The following CTIF variants were observed in gnomAD, a reference collection of about 807,000 sequenced individuals.
CTIF encodes the protein CBP80/20-dependent translation initiation factor.
Under a neutral mutation model 66.0 loss-of-function variants are expected in CTIF, and 21 were observed. The ratio of observed to expected loss-of-function variants is 0.32; its 90% CI spans 0.23 to 0.46. The LOEUF (loss-of-function observed/expected upper bound fraction) is 0.46. CTIF is among the 20% of genes least tolerant of loss of function. CTIF has a pLI of 1.00. For missense variants in CTIF, 739 were observed against 812.7 expected (o/e 0.91, Z 1.10); for synonymous variants, 345 against 326.4 (o/e 1.06, Z -0.62).
chr18:48,798,898 C>T (rs1215251406), intron 9 of CTIF, among the ~76,000 whole-genome samples: 3 of 152,172 alleles, frequency 2.0e-5, no homozygotes, highest in East Asian at 1.9e-4. Flanking sequence ...GCCTACGGTG[C>T]ACAGGACAGC....
chr18:48,858,896 A>T (rs965861079), intron 11 of CTIF, among the ~76,000 whole-genome samples: 2 of 152,184 alleles, frequency 1.3e-5, no homozygotes, highest in African/African-American at 4.8e-5. Flanking sequence ...GTTCCAATGG[A>T]CACATGTAAT....
chr18:48,648,161 T>TGGGCA (rs753743748), intron 3 of CTIF, among the ~76,000 whole-genome samples: 32 of 152,172 alleles, frequency 2.1e-4, no homozygotes, highest in Non-Finnish European at 3.7e-4. Context: ...TAGCTGAGAG[T>TGGGCA]GGGCAGAGGG....
intron 2 of CTIF, among the ~76,000 whole-genome samples, chr18:48,628,083 G>T (rs1270896205): frequency 6.6e-6 from 1 of 152,226 alleles, no homozygotes; most frequent in Non-Finnish European, 1.5e-5. Context: ...GGTATGCTTG[G>T]AAAGTGCTGA....
At chr18:48,826,572 C>CT (rs2068586550) in intron 10 of CTIF, 1 of 152,306 alleles carries the variant, frequency 6.6e-6, no homozygotes, top group South Asian at 2.1e-4. Flanking sequence ...CTGTCAACGT[C>CT]TGTCTCCAGA....
At chr18:48,691,160 G>A (rs1280157080) in intron 6 of CTIF, among the ~76,000 whole-genome samples, 6 of 152,284 alleles carry the variant, frequency 3.9e-5, no homozygotes, top group Admixed American at 1.3e-4. Context: ...CAATTGTAAC[G>A]TCCACTCTGC....
At chr18:48,663,909 G>A in intron 4 of CTIF, 84 bp downstream of exon 4, 1 of 1,232,470 alleles carries the variant, frequency 8.1e-7, no homozygotes, top group Non-Finnish European at 1.2e-6. Flanking sequence ...AACGCTGATG[G>A]TTCATGAGCA....
chr18:48,581,350 A>C (rs2089652713), intron 1 of CTIF, among the ~76,000 whole-genome samples: 1 of 152,030 alleles, frequency 6.6e-6, no homozygotes, highest in African/African-American at 2.4e-5. Context: ...ATAATTCTTG[A>C]CACCCTCTTA....
At chr18:48,727,506 C>A (rs1349307108) in intron 7 of CTIF, among the ~76,000 whole-genome samples, 2 of 152,172 alleles carry the variant, frequency 1.3e-5, no homozygotes, top group Non-Finnish European at 2.9e-5. Flanking sequence ...CTGTGTCTCT[C>A]CCTTCCAGTC....
chr18:48,710,849 A>G (rs888189386), intron 6 of CTIF, among the ~76,000 whole-genome samples: 1 of 152,182 alleles, frequency 6.6e-6, no homozygotes, highest in African/African-American at 2.4e-5. Context: ...ATGTGTGCCT[A>G]TGATACTGGC....
At chr18:48,576,859 T>C (rs944415595) in intron 1 of CTIF, among the ~76,000 whole-genome samples, 13 of 152,262 alleles carry the variant, frequency 8.5e-5, no homozygotes, top group Non-Finnish European at 1.6e-4. Context: ...TTTGGTTTTC[T>C]GGGCTTCGCC....
chr18:48,718,621 C>G (rs975704001), intron 7 of CTIF, among the ~76,000 whole-genome samples: 3 of 152,022 alleles, frequency 2.0e-5, no homozygotes, highest in Non-Finnish European at 4.4e-5. Flanking sequence ...CTGTTTGGGC[C>G]CTTGGCGGAT....
At chr18:48,836,490 C>T (rs2068813332) in intron 10 of CTIF, among the ~76,000 whole-genome samples, 2 of 152,198 alleles carry the variant, frequency 1.3e-5, no homozygotes, top group Admixed American at 6.5e-5. Flanking sequence ...GCTTCTCACA[C>T]CTCAACTCCA....
intron 1 of CTIF, among the ~76,000 whole-genome samples, chr18:48,560,822 C>T (rs2089141690): frequency 1.3e-5 from 2 of 152,210 alleles, no homozygotes; most frequent in South Asian, 4.1e-4. Context: ...ATCCTCCCAC[C>T]TTGGCCTCCC....
At chr18:48,809,577 G>C (rs1185222904) in intron 9 of CTIF, among the ~76,000 whole-genome samples, 1 of 152,056 alleles carries the variant, frequency 6.6e-6, no homozygotes, top group African/African-American at 2.4e-5. Flanking sequence ...GAACTGGTTG[G>C]AAAGCGTCTC....
At chr18:48,778,833 G>T (rs530682816) in intron 9 of CTIF, among the ~76,000 whole-genome samples, 1 of 152,326 alleles carries the variant, frequency 6.6e-6, no homozygotes, top group African/African-American at 2.4e-5. Context: ...CACTAGCACC[G>T]CATCGGGACA....
chr18:48,808,267 C>T (rs2068190809), intron 9 of CTIF, among the ~76,000 whole-genome samples: 1 of 152,178 alleles, frequency 6.6e-6, no homozygotes, highest in Admixed American at 6.5e-5. Context: ...TACATTTTGA[C>T]ACAGGATTTA....
intron 9 of CTIF, among the ~76,000 whole-genome samples, chr18:48,807,201 T>C (rs2146263594): frequency 6.6e-6 from 1 of 152,268 alleles, no homozygotes. Flanking sequence ...CACACCCCAG[T>C]TCCCCACCCT....
intron 6 of CTIF, among the ~76,000 whole-genome samples, chr18:48,705,519 C>T (rs1219787700): frequency 1.3e-5 from 2 of 152,236 alleles, no homozygotes; most frequent in Non-Finnish European, 2.9e-5. Context: ...CACAGGTGCA[C>T]GGGGTTAGGA....
Position 48,697,691 on chromosome 18 carries a change from TA to T in CTIF, c.508-13925del, listed in dbSNP as rs149690286. Among the ~76,000 whole-genome samples the T allele has an allele frequency of 9.6e-3, 1,459 of 152,228 alleles. 24 individuals are homozygous for T. The highest frequency in any genetic ancestry group is 0.034 in the African/African-American group (1,402 of 41,530). Reference sequence around the variant, plus strand: ...CAGTGCTCCTTCTGCTGCATTGCTGTAAATAGAAGTTTAAAGTGGTTCTCAA... The same window carrying T: ...CAGTGCTCCTTCTGCTGCATTGCTGTAATAGAAGTTTAAAGTGGTTCTCAA... On this transcript the variant is annotated intron_variant, in intron 6 of 11. Transcript: ENST00000256413.
Sources: gnomAD v4.1 joint callset for allele counts (sites outside exome capture counted in the v4.1 genomes callset) on GRCh38, gnomAD v4.1.1 for gene constraint, MANE v1.5 for transcripts, NCBI Gene and HGNC (gene_info 2026-07-23, HGNC 2026-07-21) for gene names.